Variants in HHAT observed in about 807,000 individuals in gnomAD.
HHAT encodes protein-cysteine N-palmitoyltransferase HHAT.
In HHAT, 47 loss-of-function variants were observed where a neutral mutation model predicts 70.8. The observed-to-expected ratio is 0.66, with a 90% CI of 0.53 to 0.85. The LOEUF (loss-of-function observed/expected upper bound fraction) is 0.85, where lower values mean the gene tolerates loss of function less well. Ranked by LOEUF, HHAT falls within the 40% of genes least tolerant of loss-of-function variation. The probability of loss-of-function intolerance (pLI) is 0.00; values close to 1 mark genes in which losing one functional copy is unlikely to be tolerated. For synonymous variants in HHAT, 228 were observed against 247.6 expected, an observed-to-expected ratio of 0.92 and a Z score of 0.74; for missense variants, 609 against 604.8, an observed-to-expected ratio of 1.01 and a Z score of -0.07.
chr1:210,572,810 C>T (rs77218766), intron 9 of HHAT, among the ~76,000 whole-genome samples: 2,334 of 152,200 alleles, frequency 0.015, 61 homozygotes, highest in African/African-American at 0.051. Flanking sequence ...GTGGGAGGAT[C>T]CCTTGAGCCC....
intron 1 of HHAT, among the ~76,000 whole-genome samples, chr1:210,339,545 C>T (rs921257642): frequency 3.3e-5 from 5 of 152,168 alleles, no homozygotes; most frequent in African/African-American, 1.2e-4. Context: ...TCTTTTGGAA[C>T]CCTGAAACCC....
chr1:210,366,419 C>T (rs2088973648), intron 3 of HHAT, among the ~76,000 whole-genome samples: 1 of 152,100 alleles, frequency 6.6e-6, no homozygotes, highest in South Asian at 2.1e-4. Flanking sequence ...TCATTGAGGT[C>T]AGGAGTAGCC....
At chr1:210,544,099 T>C (rs932809528) in intron 9 of HHAT, among the ~76,000 whole-genome samples, 1 of 152,082 alleles carries the variant, frequency 6.6e-6, no homozygotes, top group African/African-American at 2.4e-5. Context: ...AAAAGACTCT[T>C]TATTTTCTGC....
chr1:210,457,878 G>A (rs2093902041), intron 7 of HHAT, among the ~76,000 whole-genome samples: 1 of 152,098 alleles, frequency 6.6e-6, no homozygotes. Flanking sequence ...TTGCTTGGAG[G>A]TCCTGATGTT....
At chr1:210,674,224 C>A in intron 11 of HHAT, 64 bp from the exon 12 acceptor site, 1 of 1,360,878 alleles carries the variant, frequency 7.3e-7, no homozygotes, top group Non-Finnish European at 1.1e-6. Context: ...GACAGTTTGC[C>A]CATGTGGGAT....
At chr1:210,468,230 A>G (rs1324966245) in intron 8 of HHAT, among the ~76,000 whole-genome samples, 2 of 152,136 alleles carry the variant, frequency 1.3e-5, no homozygotes, top group Admixed American at 1.3e-4. Context: ...ATGGGCTGAG[A>G]TCTGTAATGA....
In HHAT at chr1:210,424,202, C is replaced by T. The variant is rs1010072789; in HGVS notation, c.856+5877C>T. Among the ~76,000 whole-genome samples, 7 of 152,200 alleles carry T rather than the reference C, an allele frequency of 4.6e-5. No individual in the cohort carries two copies. The South Asian group carries it at 8.3e-4, about 18-fold the overall frequency. Reference sequence around the variant, plus strand: ...TTTTTCCATTTCTTTGTATCCTCTTCAGTGTTCGTATTTCTTTCGTCAGCG... The same window carrying T: ...TTTTTCCATTTCTTTGTATCCTCTTTAGTGTTCGTATTTCTTTCGTCAGCG... On this transcript the variant is annotated intron_variant, in intron 7 of 11. Coordinates refer to ENST00000261458, the MANE Select transcript of HHAT (RefSeq NM_018194.6).
At chr1:210,577,083 TGCAGTCTTTAGGG>T in intron 9 of HHAT, among the ~76,000 whole-genome samples, 1 of 151,952 alleles carries the variant, frequency 6.6e-6, no homozygotes, top group Non-Finnish European at 1.5e-5. Context: ...GTTTTTTTTT[TGCAGTCTTTAGGG>T]TTTTTTACGT....
chr1:210,533,385 C>A (rs1046805106), intron 9 of HHAT, among the ~76,000 whole-genome samples: 1 of 140,238 alleles, frequency 7.1e-6, no homozygotes, highest in African/African-American at 2.6e-5. Flanking sequence ...TTTAGAAGTA[C>A]AGATGGCAGC....
At chr1:210,399,957 C>T (rs78262664) in intron 4 of HHAT, among the ~76,000 whole-genome samples, 4,110 of 152,252 alleles carry the variant, frequency 0.027, 189 homozygotes, top group African/African-American at 0.088. Flanking sequence ...CAAAAAAACC[C>T]TACATATTTA....
chr1:210,384,677 C>A (rs907615249), intron 3 of HHAT, among the ~76,000 whole-genome samples: 8 of 152,084 alleles, frequency 5.3e-5, no homozygotes, highest in African/African-American at 1.7e-4. Flanking sequence ...ATATCTGACC[C>A]CCTTAGAGTG....
chr1:210,445,746 T>C (rs74156166), intron 7 of HHAT, among the ~76,000 whole-genome samples: 5,606 of 152,290 alleles, frequency 0.037, 356 homozygotes, highest in African/African-American at 0.13. Context: ...GTTAATGCAA[T>C]TGATTTCTAT....
chr1:210,447,934 G>C (rs958208259), intron 7 of HHAT, among the ~76,000 whole-genome samples: 1 of 152,156 alleles, frequency 6.6e-6, no homozygotes, highest in Non-Finnish European at 1.5e-5. Context: ...CCAGACCCTG[G>C]CTGAGGTGAC....
At chr1:210,375,362 A>G (rs539445497) in intron 3 of HHAT, among the ~76,000 whole-genome samples, 2 of 152,284 alleles carry the variant, frequency 1.3e-5, no homozygotes, top group Non-Finnish European at 2.9e-5. Context: ...TCATTCTGCA[A>G]TGACCCTTTT....
intron 4 of HHAT, among the ~76,000 whole-genome samples, chr1:210,393,506 C>T (rs188710203): frequency 4.6e-5 from 7 of 152,232 alleles, no homozygotes; most frequent in Admixed American, 3.9e-4. Flanking sequence ...TGGCTGGGCA[C>T]GTTACTATGG....
chr1:210,600,812 CT>C (rs748136751), intron 10 of HHAT, among the ~76,000 whole-genome samples: 1 of 152,056 alleles, frequency 6.6e-6, no homozygotes, highest in Non-Finnish European at 1.5e-5. Context: ...AGGAAGGCTC[CT>C]TCAGGCTGCT....
At chr1:210,398,019 A>T (rs2091887529) in intron 4 of HHAT, among the ~76,000 whole-genome samples, 1 of 152,184 alleles carries the variant, frequency 6.6e-6, no homozygotes, top group Admixed American at 6.5e-5. Context: ...TTATTTTGAG[A>T]TGGAATTTTA....
chr1:210,586,763 A>G (rs1660537112), intron 9 of HHAT, among the ~76,000 whole-genome samples: 1 of 152,244 alleles, frequency 6.6e-6, no homozygotes, highest in Non-Finnish European at 1.5e-5. Flanking sequence ...CTTTTTAAAA[A>G]GGCTATTGCA....
At chr1:210,439,104 G>A (rs189990064) in intron 7 of HHAT, among the ~76,000 whole-genome samples, 21 of 151,950 alleles carry the variant, frequency 1.4e-4, no homozygotes, top group South Asian at 2.1e-4. Flanking sequence ...TTTGGTGTCC[G>A]CATTGAAATA....
Sources: gnomAD v4.1 joint callset for allele counts (sites outside exome capture counted in the v4.1 genomes callset) on GRCh38, gnomAD v4.1.1 for gene constraint, MANE v1.5 for transcripts, NCBI Gene and HGNC (gene_info 2026-07-23, HGNC 2026-07-21) for gene names.